Variants in SSH1 observed in about 807,000 individuals in gnomAD.
SSH1 encodes protein phosphatase Slingshot homolog 1.
In SSH1, 43 loss-of-function variants were observed where a neutral mutation model predicts 79.7. The ratio of observed to expected loss-of-function variants is 0.54; its 90% CI spans 0.42 to 0.70. The LOEUF (loss-of-function observed/expected upper bound fraction) is 0.70. Among genes scored for constraint, SSH1 ranks in the 30% least tolerant of loss-of-function variants. SSH1 has a pLI of 0.00. For missense variants in SSH1, 1,206 were observed against 1,358.8 expected, an observed-to-expected ratio of 0.89 and a Z score of 1.77; for synonymous variants, 599 against 538.3, an observed-to-expected ratio of 1.11 and a Z score of -1.56.
intron 8 of SSH1, 47 bp from the exon 9 acceptor site, chr12:108,806,441 G>A: frequency 1.3e-6 from 2 of 1,565,152 alleles, no homozygotes; most frequent in South Asian, 1.1e-5. Flanking sequence ...TAGAAAGCTT[G>A]TGGTCGGAGG....
At chr12:108,851,065 G>A (rs1383167692) in intron 2 of SSH1, among the ~76,000 whole-genome samples, 1 of 152,078 alleles carries the variant, frequency 6.6e-6, no homozygotes. Context: ...TGGGAACCCT[G>A]ACGTGGGCCC....
At position 108,806,362 on chromosome 12, in the gene SSH1, A is replaced by T; in HGVS notation, c.764T>A (p.Ile255Asn). ...CATGATGCTTCGGAGCTTGGCTTTG[A>T]TGAGGCGCTCGGTCCTTTCCCCTTC... is the stretch of plus-strand genomic sequence containing the variant. ...PTEGERTERL[I>N]KAKLRSIMMS... Residue 255 changes from isoleucine (I) to asparagine (N), a missense_variant, in exon 9 of 15, where the codon ATC becomes AAC. Around this residue, in one of 5 missense-constraint regions of SSH1, gnomAD observed 116 missense variants for 109.0 expected, o/e 1.06. Coordinates refer to ENST00000326495, the MANE Select transcript of SSH1 (RefSeq NM_018984.4). The T allele has an allele frequency of 6.2e-7, 1 of 1,614,106 alleles. No homozygotes were observed. Among genetic ancestry groups the T allele is most frequent in the Non-Finnish European group, 8.5e-7 (1 of 1,180,006 alleles).
intron 2 of SSH1, among the ~76,000 whole-genome samples, chr12:108,828,716 G>T (rs1467712216): frequency 6.6e-6 from 1 of 152,190 alleles, no homozygotes; most frequent in Admixed American, 6.5e-5. Flanking sequence ...CGTCATAGTT[G>T]GGGGACAGGA....
chr12:108,831,466 C>G (rs1267823073), intron 2 of SSH1, among the ~76,000 whole-genome samples: 2 of 152,098 alleles, frequency 1.3e-5, no homozygotes, highest in Admixed American at 6.6e-5. Context: ...TGAAACAGAC[C>G]CGGTTTCCAC....
rs139859949 is a variant in SSH1, at chr12:108,809,186, C to A, written c.536+507G>T. Among the ~76,000 whole-genome samples, 717 of 145,092 alleles carry A rather than the reference C, an allele frequency of 4.9e-3. 4 individuals carry two copies. Among genetic ancestry groups the A allele is most frequent in the Middle Eastern group, 0.014 (4 of 284 alleles). ...GGCTGAGGCCAGGTACGGTGGCTCA[C>A]GCCTGGAATCCCAGCACTTTGGGAG... On this transcript the variant is annotated intron_variant, in intron 7 of 14. Coordinates refer to ENST00000326495, the MANE Select transcript of SSH1 (RefSeq NM_018984.4).
At chr12:108,799,322 A>G (rs1032151591) in intron 12 of SSH1, 122 bp from the exon 13 acceptor site, 2 of 808,126 alleles carry the variant, frequency 2.5e-6, no homozygotes, top group Non-Finnish European at 1.9e-6. Flanking sequence ...AACCCTGTAG[A>G]TATCTTACTG....
At chr12:108,835,302 G>A (rs768433382) in intron 2 of SSH1, among the ~76,000 whole-genome samples, 11 of 152,154 alleles carry the variant, frequency 7.2e-5, no homozygotes, top group Admixed American at 1.3e-4. Context: ...TTAGCCGAGC[G>A]TGGTGTCGTG....
chr12:108,841,813 A>C (rs926027287), intron 2 of SSH1, among the ~76,000 whole-genome samples: 2 of 144,244 alleles, frequency 1.4e-5, no homozygotes, highest in East Asian at 2.1e-4. Flanking sequence ...ATCCCCCCCC[A>C]CAAAAAAAAA....
At position 108,792,449 on chromosome 12, in the gene SSH1, G is replaced by A. The variant is rs751760166; in HGVS notation, c.1730C>T (p.Pro577Leu). ...CAGCAAGGAGCCGCTCCGACCTTTG[G>A]GACTCCCAAACTCTAGTTTCTTCTT... is the stretch of plus-strand genomic sequence containing the variant. ...DVKKKLEFGS[P>L]KGRSGSLLQV... is the part of the protein sequence containing the mutation. The change falls in exon 14 of 15, where the codon CCC (proline) becomes CTC (leucine). Residue 577 changes from proline (P) to leucine (L), a missense_variant. Around this residue, in one of 5 missense-constraint regions of SSH1, gnomAD observed 709 missense variants for 730.6 expected, o/e 0.97. Coordinates refer to ENST00000326495, the MANE Select transcript of SSH1 (RefSeq NM_018984.4). 1.2e-5 allele frequency: 20 copies of A among 1,613,994 alleles called. No homozygotes were observed. The Admixed American group carries it at 1.7e-4, about 13-fold the overall frequency.
At chr12:108,804,693 G>A (rs1051932136) in intron 10 of SSH1, among the ~76,000 whole-genome samples, 4 of 152,210 alleles carry the variant, frequency 2.6e-5, no homozygotes, top group African/African-American at 9.7e-5. Context: ...TTTAGTAACT[G>A]GGGTTTTTTA....
intron 5 of SSH1, among the ~76,000 whole-genome samples, chr12:108,812,655 G>A (rs1343845680): frequency 2.6e-5 from 4 of 152,188 alleles, no homozygotes; most frequent in East Asian, 1.9e-4. Flanking sequence ...ACAGAGATGC[G>A]CAAGAGGCTC....
intron 2 of SSH1, among the ~76,000 whole-genome samples, chr12:108,828,267 A>G (rs1323517478): frequency 6.6e-6 from 1 of 152,126 alleles, no homozygotes; most frequent in African/African-American, 2.4e-5. Context: ...GATCCTCCCT[A>G]CGGATTAAGT....
intron 2 of SSH1, among the ~76,000 whole-genome samples, chr12:108,831,086 G>A (rs1168851760): frequency 1.3e-5 from 2 of 152,184 alleles, no homozygotes; most frequent in African/African-American, 4.8e-5. Flanking sequence ...GAGTTAAATA[G>A]TACAAATTTA....
intron 5 of SSH1, 22 bp from the exon 6 acceptor site, chr12:108,811,350 A>G (rs755877057): frequency 6.2e-7 from 1 of 1,612,430 alleles, no homozygotes; most frequent in Non-Finnish European, 8.5e-7. Flanking sequence ...GAGAGAAGAC[A>G]TGTGGAGTCA....
At chr12:108,791,219 C>T (rs932492283) in intron 14 of SSH1, among the ~76,000 whole-genome samples, 2 of 152,192 alleles carry the variant, frequency 1.3e-5, no homozygotes, top group South Asian at 2.1e-4. Flanking sequence ...AAGCAATTCT[C>T]GTGCCTCAGC....
chr12:108,827,353 G>A (rs1420740015), intron 2 of SSH1: 2 of 1,547,928 alleles, frequency 1.3e-6, no homozygotes, highest in Non-Finnish European at 8.7e-7. Flanking sequence ...GTTCGTGGCT[G>A]CAGTGCTCAC....
In SSH1 at chr12:108,783,783, A is replaced by G. The variant is rs990158102; in HGVS notation, c.*4205T>C. ...GTGAACTCAAACACACAGGCATTCC[A>G]CTGCAGAGCAGATGATAACAAAACA... On this transcript the variant is annotated 3_prime_UTR_variant, in exon 15 of 15. Coordinates refer to ENST00000326495, the MANE Select transcript of SSH1 (RefSeq NM_018984.4). The G allele has an allele frequency of 2.0e-5, 3 of 152,212 alleles. No homozygotes were observed. The highest frequency in any genetic ancestry group is 4.8e-5 in the African/African-American group (2 of 41,412). 9.4% of individuals were successfully genotyped at this position (152,212 alleles called of 1,614,324 possible).
chr12:108,804,089 A>T lies in SSH1; in HGVS notation c.954+967T>A, dbSNP rs975526917. On this transcript the variant is annotated intron_variant, in intron 10 of 14. Transcript: ENST00000326495. ...TATGTATTTTTAATTTTATTTTATTAAAAAAAATATTTTTTAGAGACAAGG... is the reference window on the plus strand; with the variant it reads ...TATGTATTTTTAATTTTATTTTATTTAAAAAAATATTTTTTAGAGACAAGG... Among the ~76,000 whole-genome samples, 15 of 152,014 alleles carry T rather than the reference A, an allele frequency of 9.9e-5. No individual in the cohort carries two copies. In the South Asian group the frequency reaches 2.9e-3, roughly 29 times the overall value.
intron 4 of SSH1, 78 bp downstream of exon 4, chr12:108,818,171 C>G: frequency 8.1e-7 from 1 of 1,230,018 alleles, no homozygotes; most frequent in Non-Finnish European, 1.2e-6. Context: ...GCACTCCAGC[C>G]TGGGCAACAG....
Sources: allele counts gnomAD v4.1 joint callset (sites outside exome capture counted in the v4.1 genomes callset), GRCh38; gene constraint gnomAD v4.1.1; regional missense constraint gnomAD v4.1.1; transcripts MANE v1.5; gene names NCBI Gene and HGNC (gene_info 2026-07-23, HGNC 2026-07-21).